CBFB: variants seen among roughly 807,000 people sequenced by gnomAD.
CBFB encodes CBF-beta.
CBFB carries 9 observed loss-of-function variants against 30.4 expected under a neutral mutation model. That is an observed-to-expected ratio of 0.30 (90% CI 0.18 to 0.52). The LOEUF is 0.52. Among genes scored for constraint, CBFB ranks in the 20% least tolerant of loss-of-function variants. The pLI is 0.97. For missense variants in CBFB, 170 were observed against 244.0 expected, an observed-to-expected ratio of 0.70 and a Z score of 2.02; for synonymous variants, 94 against 84.0, an observed-to-expected ratio of 1.12 and a Z score of -0.65.
intron 5 of CBFB, among the ~76,000 whole-genome samples, chr16:67,095,799 C>T (rs116259937): frequency 0.057 from 8,625 of 151,260 alleles, 376 homozygotes; most frequent in African/African-American, 0.11. Context: ...TTCACGCGAT[C>T]CTCCTGCCTC....
chr16:67,033,700 C>T (rs1049630557), intron 2 of CBFB, among the ~76,000 whole-genome samples: 1 of 151,592 alleles, frequency 6.6e-6, no homozygotes, highest in Non-Finnish European at 1.5e-5. Flanking sequence ...CAAGCTCCGC[C>T]TCCTGGGTTC....
rs2145701429 is a variant in CBFB at position 67,029,157 on chromosome 16, C to G, written c.-251C>G. On this transcript the variant is annotated 5_prime_UTR_variant, in exon 1 of 6. Coordinates refer to ENST00000412916, the MANE Select transcript of CBFB (RefSeq NM_022845.3). Reference sequence around the variant, plus strand: ...CGGCGGCGGCCGGGGGCGGTGAGCGCTGGGGCTGCGCGGGCGGCAGGCAAC... The same window carrying G: ...CGGCGGCGGCCGGGGGCGGTGAGCGGTGGGGCTGCGCGGGCGGCAGGCAAC... 6.0e-6 allele frequency: 1 copy of G among 167,552 alleles called. No homozygotes were observed. The allele number at this position is 167,552 out of a possible 1,614,324, so 10.4% of individuals were successfully genotyped here.
At chr16:67,076,504 A>T (rs559377902) in intron 4 of CBFB, among the ~76,000 whole-genome samples, 1 of 152,328 alleles carries the variant, frequency 6.6e-6, no homozygotes, top group East Asian at 1.9e-4. Context: ...TATAGAAAGT[A>T]AAAAAGAGGC....
At position 67,099,124 on chromosome 16, in the gene CBFB, AT is replaced by A. The variant is rs1962144084; in HGVS notation, c.*348del. On this transcript the variant is annotated 3_prime_UTR_variant, in exon 6 of 6. Transcript: ENST00000412916. ...ATGTCATTTAAAAACAAGTCAAGAA[AT>A]TAAAATTGTATCAGAGGGTTTTCTC... is the stretch of plus-strand genomic sequence containing the variant. 2 of 268,644 alleles carry A rather than the reference AT, an allele frequency of 7.4e-6. No homozygotes were observed. The highest frequency in any genetic ancestry group is 5.4e-5 in the East Asian group (1 of 18,412). 16.6% of individuals were successfully genotyped at this position (268,644 alleles called of 1,614,324 possible).
chr16:67,051,907 G>T (rs1418276816), intron 3 of CBFB, among the ~76,000 whole-genome samples: 1 of 132,774 alleles, frequency 7.5e-6, no homozygotes, highest in African/African-American at 3.4e-5. Context: ...ATATATATAT[G>T]TGTATACACA....
intron 5 of CBFB, among the ~76,000 whole-genome samples, chr16:67,087,132 T>C (rs540317594): frequency 2.6e-5 from 4 of 152,280 alleles, no homozygotes; most frequent in Admixed American, 2.6e-4. Flanking sequence ...TAAATGAATA[T>C]AGGAATCATT....
At chr16:67,068,623 G>C (rs1304391675) in intron 4 of CBFB, among the ~76,000 whole-genome samples, 1 of 152,202 alleles carries the variant, frequency 6.6e-6, no homozygotes, top group East Asian at 1.9e-4. Context: ...TCAGAAGTCA[G>C]AGTTGCTACA....
chr16:67,052,595 TG>T (rs1038958928), intron 3 of CBFB, among the ~76,000 whole-genome samples: 1 of 151,704 alleles, frequency 6.6e-6, no homozygotes, highest in African/African-American at 2.4e-5. Context: ...AAAAAATGCC[TG>T]CTAGACAATT....
At chr16:67,082,483 TATTTTA>T in intron 5 of CBFB, 175 bp downstream of exon 5, 1 of 622,910 alleles carries the variant, frequency 1.6e-6, no homozygotes, top group East Asian at 3.1e-5. Flanking sequence ...TAAAGAAATT[TATTTTA>T]ATTTTAAAGT....
At chr16:67,079,119 T>G (rs1030067729) in intron 4 of CBFB, among the ~76,000 whole-genome samples, 1 of 152,250 alleles carries the variant, frequency 6.6e-6, no homozygotes, top group African/African-American at 2.4e-5. Context: ...GTCAAATGTT[T>G]GAATTTTATG....
At chr16:67,056,988 G>T (rs1383446074) in intron 3 of CBFB, among the ~76,000 whole-genome samples, 1 of 151,384 alleles carries the variant, frequency 6.6e-6, no homozygotes, top group African/African-American at 2.4e-5. Context: ...CCTCTAGCAG[G>T]CTTTTTATTT....
intron 3 of CBFB, among the ~76,000 whole-genome samples, chr16:67,046,384 T>C (rs757600115): frequency 4.6e-5 from 7 of 152,154 alleles, no homozygotes; most frequent in Non-Finnish European, 1.0e-4. Context: ...TACAGGCATG[T>C]ACCCATCATT....
At chr16:67,045,040 CTA>C (rs1406741148) in intron 3 of CBFB, among the ~76,000 whole-genome samples, 4 of 152,026 alleles carry the variant, frequency 2.6e-5, no homozygotes, top group Admixed American at 2.6e-4. Flanking sequence ...TTTAGATAAA[CTA>C]TAATACTCTA....
At chr16:67,068,053 C>G (rs1299937844) in intron 4 of CBFB, among the ~76,000 whole-genome samples, 1 of 152,164 alleles carries the variant, frequency 6.6e-6, no homozygotes, top group Non-Finnish European at 1.5e-5. Flanking sequence ...AAGCATTTCC[C>G]CAAGCTACAC....
At chr16:67,072,431 A>AAT (rs1369769087) in intron 4 of CBFB, among the ~76,000 whole-genome samples, 1 of 151,938 alleles carries the variant, frequency 6.6e-6, no homozygotes, top group Non-Finnish European at 1.5e-5. Context: ...TTTCTGAAGA[A>AAT]TATATAGATT....
chr16:67,096,756 C>T (rs1483590026), intron 5 of CBFB, among the ~76,000 whole-genome samples: 3 of 151,762 alleles, frequency 2.0e-5, no homozygotes, highest in Non-Finnish European at 2.9e-5. Flanking sequence ...GGGTGAATCA[C>T]GAGGTCAGGA....
intron 3 of CBFB, among the ~76,000 whole-genome samples, chr16:67,044,557 T>G (rs1966590452): frequency 6.6e-6 from 1 of 152,218 alleles, no homozygotes; most frequent in Admixed American, 6.5e-5. Flanking sequence ...TACTTAAAAG[T>G]CTTTTAATTT....
At chr16:67,043,525 C>T (rs1966569062) in intron 3 of CBFB, among the ~76,000 whole-genome samples, 1 of 152,134 alleles carries the variant, frequency 6.6e-6, no homozygotes, top group African/African-American at 2.4e-5. Flanking sequence ...ATATTTGAAA[C>T]TTTTATACCC....
chr16:67,079,596 A>T (rs1382879041), intron 4 of CBFB, among the ~76,000 whole-genome samples: 1 of 134,190 alleles, frequency 7.5e-6, no homozygotes, highest in African/African-American at 2.8e-5. Context: ...TCATTGTGTG[A>T]CTGTGTCCTC....
Sources: allele counts gnomAD v4.1 joint callset (sites outside exome capture counted in the v4.1 genomes callset), GRCh38; gene constraint gnomAD v4.1.1; transcripts MANE v1.5; gene names NCBI Gene and HGNC (gene_info 2026-07-23, HGNC 2026-07-21).